The following STK32A variants were observed in gnomAD, a reference collection of about 807,000 sequenced individuals.
The protein encoded by STK32A is serine/threonine-protein kinase 32A.
In STK32A, 41 loss-of-function variants were observed where a neutral mutation model predicts 53.2. That is an observed-to-expected ratio of 0.77 (90% CI 0.60 to 1.00). The LOEUF (loss-of-function observed/expected upper bound fraction) is 1.00, where lower values mean the gene tolerates loss of function less well. STK32A is among the 50% of genes least tolerant of loss of function. The pLI is 0.00. For synonymous variants in STK32A, 166 were observed against 162.8 expected (o/e 1.02, Z -0.15); for missense variants, 458 against 485.8 (o/e 0.94, Z 0.54).
chr5:147,351,060 T>C lies in STK32A; in HGVS notation c.473-5T>C. The C allele has an allele frequency of 6.2e-6, 10 of 1,613,544 alleles. No homozygotes were observed. Among genetic ancestry groups the C allele is most frequent in the Non-Finnish European group, 8.5e-6 (10 of 1,179,574 alleles). On this transcript the variant is annotated splice_polypyrimidine_tract_variant and splice_region_variant and intron_variant, in intron 6 of 12. Coordinates refer to ENST00000397936, the MANE Select transcript of STK32A (RefSeq NM_001112724.2). ...ACTTTCTGTGTGGTTCTTCTCTCTC[T>C]GCAGGGCACGTGCACATCACAGATT...
intron 4 of STK32A, among the ~76,000 whole-genome samples, chr5:147,321,246 T>C (rs1041088172): frequency 3.9e-5 from 6 of 152,210 alleles, no homozygotes; most frequent in Non-Finnish European, 7.3e-5. Context: ...TGATGAATGG[T>C]TGAGGTACAA....
intron 11 of STK32A, among the ~76,000 whole-genome samples, chr5:147,378,734 T>G (rs1328241178): frequency 6.6e-6 from 1 of 151,908 alleles, no homozygotes; most frequent in African/African-American, 2.4e-5. Flanking sequence ...TCTGTTTAAT[T>G]GGTCTATGCG....
At chr5:147,331,299 C>T (rs1754860047) in intron 5 of STK32A, among the ~76,000 whole-genome samples, 1 of 152,158 alleles carries the variant, frequency 6.6e-6, no homozygotes, top group Non-Finnish European at 1.5e-5. Context: ...GCGTACTGTG[C>T]TAATTGGCAG....
chr5:147,268,330 C>A (rs1754895828), intron 2 of STK32A, among the ~76,000 whole-genome samples: 1 of 152,136 alleles, frequency 6.6e-6, no homozygotes, highest in South Asian at 2.1e-4. Context: ...TTGTAATAAT[C>A]TCCTCTAGGA....
chr5:147,238,827 A>C (rs1029085570), intron 1 of STK32A, among the ~76,000 whole-genome samples: 1 of 151,788 alleles, frequency 6.6e-6, no homozygotes, highest in African/African-American at 2.4e-5. Flanking sequence ...TATATATATA[A>C]ATGTTGTATA....
intron 2 of STK32A, among the ~76,000 whole-genome samples, chr5:147,254,284 C>G (rs116014478): frequency 0.016 from 2,404 of 152,270 alleles, 78 homozygotes; most frequent in African/African-American, 0.055. Flanking sequence ...TCAACTCTTA[C>G]CAGCTCTATG....
intron 4 of STK32A, among the ~76,000 whole-genome samples, chr5:147,280,998 G>A (rs1170154622): frequency 1.3e-5 from 2 of 152,128 alleles, no homozygotes; most frequent in African/African-American, 4.8e-5. Context: ...CCTGGAGCTG[G>A]GTAGGCTAGC....
chr5:147,266,092 G>A (rs1258534794), intron 2 of STK32A, among the ~76,000 whole-genome samples: 3 of 152,134 alleles, frequency 2.0e-5, no homozygotes, highest in African/African-American at 7.2e-5. Flanking sequence ...GCCATAATGA[G>A]GTATATTTAT....
chr5:147,383,612 AT>A (rs1757539510), intron 12 of STK32A, 107 bp downstream of exon 12: 1 of 1,017,536 alleles, frequency 9.8e-7, no homozygotes, highest in Non-Finnish European at 1.4e-6. Context: ...TTATTTTCTA[AT>A]TGGGAAAATG....
chr5:147,351,038 T>C, intron 6 of STK32A, 27 bp from the exon 7 acceptor site: 1 of 1,605,072 alleles, frequency 6.2e-7, no homozygotes. Flanking sequence ...GGACTTAACT[T>C]TCTGTGTGGT....
the STK32A span, chr5:147,397,527 T>C: frequency 1.1e-6 from 1 of 942,960 alleles, no homozygotes; most frequent in Non-Finnish European, 1.5e-6. Flanking sequence ...TCTGTGTAGT[T>C]GTTCTTGGGG....
chr5:147,388,302 G>C (rs1173048632), downstream of STK32A, among the ~76,000 whole-genome samples: 1 of 152,184 alleles, frequency 6.6e-6, no homozygotes, highest in Non-Finnish European at 1.5e-5. Context: ...CTGAACTCTT[G>C]CAGCTAAAAG....
At chr5:147,284,051 G>A (rs900750596) in intron 4 of STK32A, among the ~76,000 whole-genome samples, 1 of 151,992 alleles carries the variant, frequency 6.6e-6, no homozygotes, top group Non-Finnish European at 1.5e-5. Flanking sequence ...GAATCCAACA[G>A]CATATCAAAA....
At chr5:147,279,646 G>A (rs1053477480) in intron 4 of STK32A, among the ~76,000 whole-genome samples, 1 of 152,222 alleles carries the variant, frequency 6.6e-6, no homozygotes, top group East Asian at 1.9e-4. Flanking sequence ...GGGGGGGTTT[G>A]AGGCTGCTGC....
chr5:147,380,962 G>T, intron 11 of STK32A, among the ~76,000 whole-genome samples: 1 of 151,962 alleles, frequency 6.6e-6, no homozygotes, highest in African/African-American at 2.4e-5. Flanking sequence ...CAATAATCTT[G>T]GCTTTCGTGA....
intron 4 of STK32A, among the ~76,000 whole-genome samples, chr5:147,303,449 T>G (rs979314474): frequency 2.0e-5 from 3 of 152,170 alleles, no homozygotes; most frequent in Non-Finnish European, 4.4e-5. Context: ...ACAAACTTAA[T>G]GAGCAAGCAC....
At position 147,279,295 on chromosome 5, in the gene STK32A, T is replaced by C; in HGVS notation, c.157T>C (p.Tyr53His). 1 of 1,613,972 alleles carries C rather than the reference T, an allele frequency of 6.2e-7. No individual in the cohort carries two copies. Among genetic ancestry groups the C allele is most frequent in the Non-Finnish European group, 8.5e-7 (1 of 1,179,888 alleles). ...TACCAAGAAGATGTACGCAATGAAG[T>C]ACATGAATAAACAAAAGTGCGTGGA... ...NDTKKMYAMKYMNKQKCVERN... is the reference protein window; with the variant it reads ...NDTKKMYAMKHMNKQKCVERN... Residue 53 changes from tyrosine to histidine, a missense_variant, in exon 4 of 13, where the codon TAC becomes CAC. Coordinates refer to ENST00000397936, the MANE Select transcript of STK32A (RefSeq NM_001112724.2).
intron 11 of STK32A, among the ~76,000 whole-genome samples, chr5:147,379,799 T>C (rs6580462): frequency 0.049 from 7,423 of 152,220 alleles, 649 homozygotes; most frequent in African/African-American, 0.17. Context: ...CTATGATAAT[T>C]TAATCAGTGT....
chr5:147,293,701 C>A (rs1179160973), intron 4 of STK32A, among the ~76,000 whole-genome samples: 9 of 151,862 alleles, frequency 5.9e-5, no homozygotes, highest in South Asian at 2.1e-4. Flanking sequence ...ATCAAGAGAC[C>A]TAATAGGGAC....
Sources: gnomAD v4.1 joint callset for allele counts (sites outside exome capture counted in the v4.1 genomes callset) on GRCh38, gnomAD v4.1.1 for gene constraint, MANE v1.5 for transcripts, NCBI Gene and HGNC (gene_info 2026-07-23, HGNC 2026-07-21) for gene names.